The following CPNE4 variants were observed in gnomAD, a reference collection of about 807,000 sequenced individuals.
CPNE4 encodes copine-4.
A neutral mutation model predicts 67.9 loss-of-function variants in CPNE4; 25 were observed. The ratio of observed to expected loss-of-function variants is 0.37; its 90% CI spans 0.27 to 0.51. CPNE4 has a LOEUF of 0.51. CPNE4 is among the 20% of genes least tolerant of loss of function. The pLI, the probability that CPNE4 is intolerant of heterozygous loss-of-function variation, is 0.93. For synonymous variants in CPNE4, 242 were observed against 244.9 expected (o/e 0.99, Z 0.11); for missense variants, 464 against 690.8 (o/e 0.67, Z 3.68).
chr3:131,600,179 G>T (rs1582872014), intron 7 of CPNE4, among the ~76,000 whole-genome samples: 1 of 152,218 alleles, frequency 6.6e-6, no homozygotes, highest in South Asian at 2.1e-4. Flanking sequence ...GAGAGGAAAT[G>T]GTGCTGGAAT....
chr3:131,919,337 C>T (rs954768151), intron 1 of CPNE4, among the ~76,000 whole-genome samples: 6 of 152,110 alleles, frequency 3.9e-5, no homozygotes, highest in Admixed American at 6.6e-5. Context: ...ATAACTAGAT[C>T]GTGGTCAATT....
intron 1 of CPNE4, among the ~76,000 whole-genome samples, chr3:132,010,312 C>T (rs1391079316): frequency 1.3e-5 from 2 of 152,150 alleles, no homozygotes; most frequent in East Asian, 1.9e-4. Context: ...AATAACCAAG[C>T]ACTGATTATT....
intron 2 of CPNE4, among the ~76,000 whole-genome samples, chr3:131,823,562 A>C (rs2107975106): frequency 6.6e-6 from 1 of 152,210 alleles, no homozygotes; most frequent in Admixed American, 6.5e-5. Context: ...GTAATTAAAA[A>C]CCTTACTGAA....
chr3:131,623,064 G>A (rs768760484), intron 7 of CPNE4, among the ~76,000 whole-genome samples: 1 of 152,294 alleles, frequency 6.6e-6, no homozygotes, highest in Middle Eastern at 3.4e-3. Context: ...TACAAGGACA[G>A]AGGAGGGGCC....
chr3:131,594,521 C>T (rs1306880475), intron 7 of CPNE4, among the ~76,000 whole-genome samples: 1 of 152,056 alleles, frequency 6.6e-6, no homozygotes, highest in Non-Finnish European at 1.5e-5. Context: ...AGACCTATAC[C>T]TTATATCACA....
At chr3:131,748,332 T>C (rs538840048) in intron 2 of CPNE4, among the ~76,000 whole-genome samples, 4 of 152,182 alleles carry the variant, frequency 2.6e-5, no homozygotes, top group Admixed American at 1.3e-4. Context: ...ATAATTCTTT[T>C]TATATAATGC....
chr3:131,831,397 C>T (rs983967513), intron 2 of CPNE4, among the ~76,000 whole-genome samples: 5 of 152,064 alleles, frequency 3.3e-5, no homozygotes, highest in South Asian at 4.1e-4. Flanking sequence ...TAAATTGACA[C>T]ATTAAAATTA....
At chr3:131,781,922 T>C (rs2083440090) in intron 2 of CPNE4, among the ~76,000 whole-genome samples, 1 of 152,134 alleles carries the variant, frequency 6.6e-6, no homozygotes, top group African/African-American at 2.4e-5. Context: ...CTTTTCTGAT[T>C]GCCACCTCTA....
intron 7 of CPNE4, among the ~76,000 whole-genome samples, chr3:131,619,750 TAGAATA>T (rs113561092): frequency 0.012 from 1,847 of 152,224 alleles, 44 homozygotes; most frequent in African/African-American, 0.042. Context: ...TGCCAAGACT[TAGAATA>T]AGAATTTTAA....
intron 13 of CPNE4, 132 bp downstream of exon 13, chr3:131,552,308 T>G: frequency 1.3e-6 from 1 of 764,580 alleles, no homozygotes; most frequent in Non-Finnish European, 2.2e-6. Flanking sequence ...TAGCATGGTT[T>G]ATGTTGATAC....
chr3:131,848,976 A>AAG (rs1313609603), intron 2 of CPNE4, among the ~76,000 whole-genome samples: 3 of 141,110 alleles, frequency 2.1e-5, no homozygotes, highest in Non-Finnish European at 4.7e-5. Context: ...AAAAAAAAAA[A>AAG]AAAAAACACA....
intron 1 of CPNE4, among the ~76,000 whole-genome samples, chr3:131,917,175 C>G (rs2089210673): frequency 6.6e-6 from 1 of 152,170 alleles, no homozygotes; most frequent in South Asian, 2.1e-4. Flanking sequence ...GAGCAAAGCT[C>G]TCCTCAGAAT....
rs1330030420 is a variant in CPNE4 at position 131,918,363 on chromosome 3, C to T, written c.-1-12919G>A. ...GACACAAAATATTTATTTAATACTT[C>T]GAGTATGTGCTGAGAACCATGGTAG... is the stretch of plus-strand genomic sequence containing the variant. On this transcript the variant is annotated intron_variant, in intron 1 of 15. Transcript: ENST00000429747. 5.3e-5 allele frequency among the ~76,000 whole-genome samples: 8 copies of T among 152,244 alleles called. No individual in the cohort carries two copies. The East Asian group carries it at 7.7e-4, about 15-fold the overall frequency.
intron 7 of CPNE4, among the ~76,000 whole-genome samples, chr3:131,600,180 G>C (rs1029579838): frequency 3.3e-5 from 5 of 152,124 alleles, no homozygotes; most frequent in African/African-American, 1.2e-4. Flanking sequence ...AGAGGAAATG[G>C]TGCTGGAATT....
rs1214523789 is a variant in CPNE4, at chr3:131,978,114, ATATATAAATATATATATT to A, written c.-2+56435_-2+56452del. Among the ~76,000 whole-genome samples the A allele has an allele frequency of 3.7e-4, 22 of 59,692 alleles. 2 individuals are homozygous for A. The highest frequency in any genetic ancestry group is 5.4e-4 in the Non-Finnish European group (20 of 37,192). 39.2% of individuals were successfully genotyped at this position (59,692 alleles called of 152,430 possible). ...ATATATATATAAATATATATAAAAT[ATATATAAATATATATATT>A]TATATAAATATATATAAAATATATA... On this transcript the variant is annotated intron_variant, in intron 1 of 15. Transcript: ENST00000429747.
chr3:131,747,118 G>GT (rs60764409), intron 2 of CPNE4, among the ~76,000 whole-genome samples: 32 of 142,874 alleles, frequency 2.2e-4, no homozygotes, highest in South Asian at 4.4e-4. Context: ...TTAAAATCAT[G>GT]TTTTTTTTTT....
intron 1 of CPNE4, among the ~76,000 whole-genome samples, chr3:132,020,449 G>A (rs377426482): frequency 6.6e-6 from 1 of 152,296 alleles, no homozygotes; most frequent in East Asian, 1.9e-4. Flanking sequence ...GTGGAGCTGA[G>A]CTGAGAGAAA....
intron 2 of CPNE4, among the ~76,000 whole-genome samples, chr3:131,735,727 G>A (rs2082219248): frequency 6.6e-6 from 1 of 152,240 alleles, no homozygotes; most frequent in African/African-American, 2.4e-5. Context: ...TACAAGTGGG[G>A]CAAGTTGACT....
chr3:132,028,722 G>T (rs1318883558), intron 1 of CPNE4, among the ~76,000 whole-genome samples: 1 of 151,852 alleles, frequency 6.6e-6, no homozygotes, highest in Non-Finnish European at 1.5e-5. Flanking sequence ...GTTTCAATAG[G>T]GTAGCCACTA....
Sources: gnomAD v4.1 joint callset for allele counts (sites outside exome capture counted in the v4.1 genomes callset) on GRCh38, gnomAD v4.1.1 for gene constraint, MANE v1.5 for transcripts, NCBI Gene and HGNC (gene_info 2026-07-23, HGNC 2026-07-21) for gene names.